The following PIGU variants were observed in gnomAD, a reference collection of about 807,000 sequenced individuals.
PIGU encodes phosphatidylinositol glycan anchor biosynthesis class U, also known as GPI-anchor transamidase component PIGU.
A neutral mutation model predicts 49.9 loss-of-function variants in PIGU; 24 were observed. That is an observed-to-expected ratio of 0.48 (90% CI 0.35 to 0.68). The LOEUF is 0.68. Ranked by LOEUF, PIGU falls within the 30% of genes least tolerant of loss-of-function variation. The probability of loss-of-function intolerance (pLI) is 0.01; values close to 1 mark genes in which losing one functional copy is unlikely to be tolerated. For synonymous variants in PIGU, 220 were observed against 205.7 expected, an observed-to-expected ratio of 1.07 and a Z score of -0.59; for missense variants, 490 against 532.6, an observed-to-expected ratio of 0.92 and a Z score of 0.79.
At chr20:34,657,355 C>G in intron 1 of PIGU, 111 bp from the exon 2 acceptor site, 1 of 719,766 alleles carries the variant, frequency 1.4e-6, no homozygotes, top group Non-Finnish European at 2.4e-6. Flanking sequence ...ACCCCCTTTA[C>G]CTCATCCCCA....
At chr20:34,562,479 TG>T (rs765800176) in intron 11 of PIGU, 388 of 1,289,078 alleles carry the variant, frequency 3.0e-4, no homozygotes, top group Non-Finnish European at 3.7e-4. Context: ...CAGAGGCGCC[TG>T]GAGGAGTTCA....
intron 7 of PIGU, among the ~76,000 whole-genome samples, chr20:34,606,140 A>T (rs1984602431): frequency 6.6e-6 from 1 of 151,770 alleles, no homozygotes; most frequent in East Asian, 1.9e-4. Flanking sequence ...CTGTAGTCCC[A>T]GCTACTTGGG....
At position 34,569,843 on chromosome 20, in the gene PIGU, C is replaced by T. The variant is rs1037274281; in HGVS notation, c.1194+5261G>A. ...AATATTCTTCTTGGTGCTGGGGATA[C>T]AGCCATGAAGAAGACAGACCCAGGG... On this transcript the variant is annotated intron_variant, in intron 11 of 11. Coordinates refer to ENST00000217446, the MANE Select transcript of PIGU (RefSeq NM_080476.5). Among the ~76,000 whole-genome samples, 4 of 152,180 alleles carry T rather than the reference C, an allele frequency of 2.6e-5. No individual in the cohort carries two copies. The East Asian group carries it at 5.8e-4, about 22-fold the overall frequency.
chr20:34,632,372 CTT>C (rs200696090), intron 6 of PIGU, among the ~76,000 whole-genome samples: 6 of 143,918 alleles, frequency 4.2e-5, no homozygotes, highest in Admixed American at 7.0e-5. Context: ...CTCATATACC[CTT>C]TTTTTTTTTT....
chr20:34,596,050 A>G (rs1421829373), intron 7 of PIGU, among the ~76,000 whole-genome samples: 4 of 152,220 alleles, frequency 2.6e-5, no homozygotes, highest in Admixed American at 2.0e-4. Context: ...AACAAAACAA[A>G]AAAAGTTACA....
intron 7 of PIGU, among the ~76,000 whole-genome samples, chr20:34,599,732 T>G (rs1042333583): frequency 6.6e-6 from 1 of 152,204 alleles, no homozygotes; most frequent in Non-Finnish European, 1.5e-5. Flanking sequence ...ATAAAGACTT[T>G]AAGGATGATG....
intron 5 of PIGU, among the ~76,000 whole-genome samples, chr20:34,637,372 G>A (rs1986001084): frequency 6.6e-6 from 1 of 152,142 alleles, no homozygotes; most frequent in Admixed American, 6.5e-5. Flanking sequence ...TGGTAGCACT[G>A]GGTACACCCT....
chr20:34,590,073 CCT>C (rs902571470), intron 7 of PIGU, among the ~76,000 whole-genome samples: 2 of 150,804 alleles, frequency 1.3e-5, no homozygotes, highest in African/African-American at 4.9e-5. Flanking sequence ...CTAAATTTTT[CCT>C]CTCTTAAAAA....
At chr20:34,587,350 CG>C (rs367948417) in intron 8 of PIGU, among the ~76,000 whole-genome samples, 2 of 151,986 alleles carry the variant, frequency 1.3e-5, no homozygotes, top group Non-Finnish European at 2.9e-5. Context: ...AGAGTTTTGT[CG>C]GGGGGGTTTT....
chr20:34,656,751 A>AT (rs1229579967), intron 2 of PIGU, among the ~76,000 whole-genome samples: 2 of 141,832 alleles, frequency 1.4e-5, no homozygotes, highest in African/African-American at 5.3e-5. Flanking sequence ...GGGTGACAGA[A>AT]TAAGACCCTG....
intron 7 of PIGU, among the ~76,000 whole-genome samples, chr20:34,603,277 C>T (rs181595407): frequency 2.6e-4 from 39 of 152,228 alleles, no homozygotes; most frequent in African/African-American, 7.9e-4. Flanking sequence ...GTTATTGATG[C>T]TCAGTACCTA....
intron 1 of PIGU, among the ~76,000 whole-genome samples, chr20:34,664,325 A>AT (rs1008292728): frequency 2.0e-5 from 3 of 151,986 alleles, no homozygotes; most frequent in Non-Finnish European, 2.9e-5. Flanking sequence ...TAATTTTTAA[A>AT]TTTTTTTTGT....
intron 7 of PIGU, among the ~76,000 whole-genome samples, chr20:34,606,751 T>C (rs1984631872): frequency 6.6e-6 from 1 of 152,144 alleles, no homozygotes; most frequent in Non-Finnish European, 1.5e-5. Context: ...TAAAGATTTT[T>C]GTTTGTTTGT....
At chr20:34,668,625 C>T (rs1394235145) in intron 1 of PIGU, among the ~76,000 whole-genome samples, 2 of 150,558 alleles carry the variant, frequency 1.3e-5, no homozygotes, top group Non-Finnish European at 3.0e-5. Context: ...AGAAATTAGC[C>T]AGGCGAGGTG....
intron 7 of PIGU, among the ~76,000 whole-genome samples, chr20:34,605,421 A>C (rs1021028631): frequency 2.0e-5 from 3 of 152,134 alleles, no homozygotes; most frequent in Non-Finnish European, 4.4e-5. Flanking sequence ...GTACAAACTA[A>C]CTTTTACAGT....
intron 7 of PIGU, among the ~76,000 whole-genome samples, chr20:34,612,617 T>C (rs1253460763): frequency 1.3e-5 from 2 of 151,556 alleles, no homozygotes; most frequent in Non-Finnish European, 2.9e-5. Flanking sequence ...TTCTTTCCTT[T>C]TCTTTTTTTT....
intron 11 of PIGU, among the ~76,000 whole-genome samples, chr20:34,569,653 C>T (rs1011191016): frequency 1.3e-5 from 2 of 152,190 alleles, no homozygotes; most frequent in Admixed American, 1.3e-4. Flanking sequence ...GGGGCTCTGG[C>T]TCTGACCCCC....
Position 34,609,847 on chromosome 20 carries a change from T to C in PIGU, c.627+6195A>G, listed in dbSNP as rs548828325. Among the ~76,000 whole-genome samples the C allele has an allele frequency of 9.4e-4, 143 of 152,254 alleles. 1 individual carries two copies. In the South Asian group the frequency reaches 0.019, roughly 21 times the overall value. ...ATGAGAGGGACCCGGTGGGAGGTAATTGAATCATGGGGATGGTTACCCCCA... is the reference window on the plus strand; with the variant it reads ...ATGAGAGGGACCCGGTGGGAGGTAACTGAATCATGGGGATGGTTACCCCCA... On this transcript the variant is annotated intron_variant, in intron 7 of 11. Coordinates refer to ENST00000217446, the MANE Select transcript of PIGU (RefSeq NM_080476.5).
rs1983660592 is a variant in PIGU, at chr20:34,585,455, G to A, written c.908C>T (p.Pro303Leu). 2 of 1,614,062 alleles carry A rather than the reference G, an allele frequency of 1.2e-6. No individual in the cohort carries two copies. Among genetic ancestry groups the A allele is most frequent in the African/African-American group, 2.7e-5 (2 of 74,934 alleles). Reference sequence around the variant, plus strand: ...CACTTACTTTAGCTTTATGGCTAAGGGGATGGTGTAGAAGAAGACGTTGAT... The same window carrying A: ...CACTTACTTTAGCTTTATGGCTAAGAGGATGGTGTAGAAGAAGACGTTGAT... Reference protein sequence around the residue: ...FQINVFFYTIPLAIKLKEHPI... With the variant: ...FQINVFFYTILLAIKLKEHPI... Residue 303 changes from proline (P) to leucine (L), a missense_variant, in exon 9 of 12, where the codon CCC (proline) becomes CTC (leucine). Transcript: ENST00000217446.
Sources: gnomAD v4.1 joint callset for allele counts (sites outside exome capture counted in the v4.1 genomes callset) on GRCh38, gnomAD v4.1.1 for gene constraint, MANE v1.5 for transcripts, NCBI Gene and HGNC (gene_info 2026-07-23, HGNC 2026-07-21) for gene names.